Variants in KAT14 observed in about 807,000 individuals in gnomAD.
The protein encoded by KAT14 is lysine acetyltransferase 14, also known as cysteine-rich protein 2-binding protein.
In KAT14, 66 loss-of-function variants were observed where a neutral mutation model predicts 78.4. That is an observed-to-expected ratio of 0.84 (90% CI 0.69 to 1.03). The LOEUF is 1.03. Ranked by LOEUF, KAT14 falls within the 50% of genes least tolerant of loss-of-function variation. The probability of loss-of-function intolerance (pLI) is 0.00; values close to 1 mark genes in which losing one functional copy is unlikely to be tolerated. For missense variants in KAT14, 870 were observed against 972.5 expected, an observed-to-expected ratio of 0.89 and a Z score of 1.40; for synonymous variants, 344 against 359.4, an observed-to-expected ratio of 0.96 and a Z score of 0.48.
In KAT14 at chr20:18,187,608, G is replaced by A; in HGVS notation, c.*149G>A. The A allele has an allele frequency of 7.5e-7, 1 of 1,342,078 alleles. No individual in the cohort carries two copies. The highest frequency in any genetic ancestry group is 1.0e-6 in the Non-Finnish European group (1 of 1,003,150). The allele number at this position is 1,342,078 out of a possible 1,614,324, so 83.1% of individuals were successfully genotyped here. On this transcript the variant is annotated 3_prime_UTR_variant, in exon 11 of 11. Coordinates refer to ENST00000688188, the MANE Select transcript of KAT14 (RefSeq NM_001392073.1). ...CCAACCAAAGTGAGAAAAGCGGCAT[G>A]CAGTGAAATGAGCAGTGAGCAGCCC...
intron 2 of KAT14, among the ~76,000 whole-genome samples, chr20:18,144,698 A>G (rs920420672): frequency 1.3e-5 from 2 of 152,208 alleles, no homozygotes; most frequent in East Asian, 3.8e-4. Flanking sequence ...GATGCATTTT[A>G]TCTGGGCTAG....
chr20:18,164,994 G>GT, intron 7 of KAT14, among the ~76,000 whole-genome samples: 1 of 151,938 alleles, frequency 6.6e-6, no homozygotes. Flanking sequence ...TTTTTAAATT[G>GT]TAAGATGTGT....
Position 18,162,454 on chromosome 20 carries a change from T to C in KAT14, c.1177T>C (p.Ser393Pro). Reference sequence around the variant, plus strand: ...CCCACCCCCTGCTGGGTCAGTAGCTTCTGGGCCAGTGGTTGGGGTCAGAAA... The same window carrying C: ...CCCACCCCCTGCTGGGTCAGTAGCTCCTGGGCCAGTGGTTGGGGTCAGAAA... The part of the protein sequence containing the change: ...YVPPPAGSVA[S>P]GPVVGVRKKV... The change falls in exon 7 of 11, where the codon TCT (serine) becomes CCT (proline). Residue 393 changes from serine (S) to proline (P), a missense_variant. Coordinates refer to ENST00000688188, the MANE Select transcript of KAT14 (RefSeq NM_001392073.1). 6.2e-7 allele frequency: 1 copy of C among 1,614,096 alleles called. No homozygotes were observed. Among genetic ancestry groups the C allele is most frequent in the Middle Eastern group, 1.6e-4 (1 of 6,062 alleles).
At chr20:18,168,538 A>T (rs1381102487) in intron 7 of KAT14, among the ~76,000 whole-genome samples, 2 of 151,972 alleles carry the variant, frequency 1.3e-5, no homozygotes, top group Non-Finnish European at 2.9e-5. Context: ...AAAAAAAAAA[A>T]ATTTTTTTTG....
intron 7 of KAT14, among the ~76,000 whole-genome samples, chr20:18,172,500 C>T (rs1378618513): frequency 1.3e-5 from 2 of 151,864 alleles, no homozygotes; most frequent in Non-Finnish European, 2.9e-5. Context: ...TTCCTGGGCT[C>T]ATGCAGTCCT....
intron 1 of KAT14, chr20:18,138,294 C>T: frequency 1.7e-6 from 2 of 1,199,854 alleles, no homozygotes; most frequent in South Asian, 3.7e-5. Context: ...CCCGGCTTAG[C>T]GCCTTTGGAG....
intron 3 of KAT14, among the ~76,000 whole-genome samples, chr20:18,148,027 A>G (rs1026717293): frequency 1.3e-5 from 2 of 152,230 alleles, no homozygotes; most frequent in Non-Finnish European, 2.9e-5. Context: ...ACAACTGACC[A>G]GTATTTCTAG....
chr20:18,169,656 G>A (rs2038779418), intron 7 of KAT14, among the ~76,000 whole-genome samples: 1 of 152,208 alleles, frequency 6.6e-6, no homozygotes, highest in African/African-American at 2.4e-5. Context: ...AATTAGGTCA[G>A]TTAACCCTAC....
At chr20:18,144,530 C>T (rs73256076) in intron 2 of KAT14, among the ~76,000 whole-genome samples, 4,189 of 152,258 alleles carry the variant, frequency 0.028, 199 homozygotes, top group African/African-American at 0.097. Flanking sequence ...TGGCCAATTT[C>T]TAATCCTAAG....
chr20:18,187,233 T>A (rs887199656), intron 10 of KAT14, 53 bp from the exon 11 acceptor site: 21 of 1,539,296 alleles, frequency 1.4e-5, no homozygotes, highest in Admixed American at 4.6e-5. Context: ...TACCTACTCA[T>A]TTTCCCTCAG....
intron 3 of KAT14, among the ~76,000 whole-genome samples, chr20:18,150,575 A>G (rs531150459): frequency 6.4e-4 from 97 of 152,300 alleles, no homozygotes; most frequent in African/African-American, 2.0e-3. Context: ...TTAGCCCTGC[A>G]TGTGTGGCAC....
chr20:18,174,670 T>TC (rs1318666310), intron 7 of KAT14, among the ~76,000 whole-genome samples: 2 of 43,852 alleles, frequency 4.6e-5, no homozygotes, highest in African/African-American at 4.9e-5. Context: ...TTTTTTTTTA[T>TC]TTTTTTTTTT....
intron 7 of KAT14, among the ~76,000 whole-genome samples, chr20:18,177,395 T>C (rs1057107778): frequency 5.3e-5 from 8 of 152,240 alleles, no homozygotes; most frequent in Admixed American, 1.3e-4. Flanking sequence ...TTTCTGCTAC[T>C]TTCTGATTGG....
At chr20:18,172,142 C>T (rs924440867) in intron 7 of KAT14, among the ~76,000 whole-genome samples, 14 of 152,018 alleles carry the variant, frequency 9.2e-5, no homozygotes, top group African/African-American at 3.1e-4. Context: ...CACTCTGTCA[C>T]CCAGGCTGGA....
intron 10 of KAT14, among the ~76,000 whole-genome samples, chr20:18,186,319 A>G (rs1266036016): frequency 6.6e-6 from 1 of 152,176 alleles, no homozygotes; most frequent in East Asian, 1.9e-4. Context: ...GATCACGTAT[A>G]TTTGCAATCT....
At chr20:18,164,494 G>A (rs1044929516) in intron 7 of KAT14, among the ~76,000 whole-genome samples, 1 of 152,156 alleles carries the variant, frequency 6.6e-6, no homozygotes, top group Non-Finnish European at 1.5e-5. Context: ...CCCTGAGGCT[G>A]TGTTTTGTAA....
intron 1 of KAT14, chr20:18,138,505 G>A (rs1467734357): frequency 1.0e-6 from 1 of 973,886 alleles, no homozygotes; most frequent in Non-Finnish European, 1.2e-6. Context: ...CTGGCCCAAG[G>A]TTGGGGTTAA....
At chr20:18,179,542 AC>A (rs904150467) in intron 7 of KAT14, among the ~76,000 whole-genome samples, 19 of 152,092 alleles carry the variant, frequency 1.2e-4, no homozygotes, top group Admixed American at 4.6e-4. Context: ...ACCCTGTGAA[AC>A]CATGGGCCGA....
intron 1 of KAT14, among the ~76,000 whole-genome samples, chr20:18,141,757 G>A (rs932564064): frequency 1.3e-5 from 2 of 152,070 alleles, no homozygotes; most frequent in Non-Finnish European, 2.9e-5. Context: ...GGTGATGCAC[G>A]CCTGTAGTCT....
Sources: allele counts gnomAD v4.1 joint callset (sites outside exome capture counted in the v4.1 genomes callset), GRCh38; gene constraint gnomAD v4.1.1; transcripts MANE v1.5; gene names NCBI Gene and HGNC (gene_info 2026-07-23, HGNC 2026-07-21).